The following DNAAF9 variants were observed in gnomAD, a reference collection of about 807,000 sequenced individuals.
The protein encoded by DNAAF9 is shulin.
DNAAF9 carries 90 observed loss-of-function variants against 167.0 expected under a neutral mutation model. That is an observed-to-expected ratio of 0.54 (90% CI 0.45 to 0.64). The LOEUF (loss-of-function observed/expected upper bound fraction) is 0.64. Ranked by LOEUF, DNAAF9 falls within the 30% of genes least tolerant of loss-of-function variation. DNAAF9 has a pLI of 0.00. For missense variants in DNAAF9, 1,315 were observed against 1,442.2 expected, an observed-to-expected ratio of 0.91 and a Z score of 1.43; for synonymous variants, 491 against 508.8, an observed-to-expected ratio of 0.96 and a Z score of 0.47.
chr20:3,294,500 A>C (rs376551463), intron 24 of DNAAF9, 28 bp downstream of exon 24: 3 of 1,449,350 alleles, frequency 2.1e-6, no homozygotes, highest in Non-Finnish European at 2.9e-6. Context: ...CAGAATATTA[A>C]ACATCTATAA....
intron 21 of DNAAF9, among the ~76,000 whole-genome samples, chr20:3,302,404 A>G (rs563630522): frequency 6.6e-6 from 1 of 152,320 alleles, no homozygotes; most frequent in South Asian, 2.1e-4. Context: ...TCTTCTAGCT[A>G]TTGTGAGATC....
intron 8 of DNAAF9, among the ~76,000 whole-genome samples, chr20:3,346,313 G>A (rs1466613942): frequency 6.6e-6 from 1 of 152,090 alleles, no homozygotes; most frequent in Non-Finnish European, 1.5e-5. Flanking sequence ...CACTAGGTAC[G>A]TATATATACC....
chr20:3,317,280 G>C (rs1325637501), intron 17 of DNAAF9, among the ~76,000 whole-genome samples: 1 of 148,798 alleles, frequency 6.7e-6, no homozygotes, highest in Non-Finnish European at 1.5e-5. Context: ...AAAATCGCTT[G>C]AGCCCAGGAG....
intron 1 of DNAAF9, among the ~76,000 whole-genome samples, chr20:3,393,368 G>A (rs1318907664): frequency 6.6e-6 from 1 of 151,680 alleles, no homozygotes; most frequent in African/African-American, 2.4e-5. Flanking sequence ...AGTTAGGCGT[G>A]GTGGTTACAG....
intron 1 of DNAAF9, among the ~76,000 whole-genome samples, chr20:3,382,831 G>A (rs1340419193): frequency 2.0e-5 from 3 of 152,156 alleles, no homozygotes; most frequent in Admixed American, 6.5e-5. Flanking sequence ...CTGACTCCAA[G>A]AACTTCCAAT....
Position 3,374,144 on chromosome 20 carries a change from C to T in DNAAF9, c.516G>A (p.Gln172=). 6.2e-7 allele frequency: 1 copy of T among 1,607,610 alleles called. No homozygotes were observed. Among genetic ancestry groups the T allele is most frequent in the South Asian group, 1.1e-5 (1 of 90,946 alleles). The change falls in exon 6 of 37, where the codon CAG becomes CAA. Residue 172 remains glutamine (Q), a synonymous_variant. Coordinates refer to ENST00000252032, the MANE Select transcript of DNAAF9 (RefSeq NM_001009984.3). The stretch of plus-strand genomic sequence containing the variant: ...TCTCCACCACAAACATATCAAATAT[C>T]TGCAAGTGACCTAGAAGAATCAAAT... The part of the protein sequence containing the change: ...GIPYSSQGHL[Q]IFDMFVVEKW...
At chr20:3,354,174 G>A (rs1017651790) in intron 7 of DNAAF9, among the ~76,000 whole-genome samples, 1 of 152,212 alleles carries the variant, frequency 6.6e-6, no homozygotes, top group African/African-American at 2.4e-5. Flanking sequence ...AGCAAAAGCA[G>A]AAAAATATCT....
chr20:3,365,452 C>T (rs751082756), intron 6 of DNAAF9, among the ~76,000 whole-genome samples: 2 of 152,016 alleles, frequency 1.3e-5, no homozygotes, highest in East Asian at 1.9e-4. Flanking sequence ...GGAGCAGTGG[C>T]GTGATCTCAG....
At position 3,255,225 on chromosome 20, in the gene DNAAF9, G is replaced by A; in HGVS notation, c.3321C>T (p.Ser1107=). The A allele has an allele frequency of 6.5e-7, 1 of 1,548,300 alleles. No individual in the cohort carries two copies. Among genetic ancestry groups the A allele is most frequent in the African/African-American group, 1.4e-5 (1 of 73,058 alleles). ...GCCAGGGCAAGGCACTCACGTGGAT[G>A]CTCCTGATCTCCTGTTGCGTCAGCA... The part of the protein sequence containing the change: ...RGMLTQQEIR[S]IHVKRHLEPL... The change falls in exon 35 of 37, where the codon AGC becomes AGT. Residue 1107 remains serine (S), a synonymous_variant. Coordinates refer to ENST00000252032, the MANE Select transcript of DNAAF9 (RefSeq NM_001009984.3).
At chr20:3,292,792 T>C (rs2236101) in intron 25 of DNAAF9, among the ~76,000 whole-genome samples, 92,387 of 148,318 alleles carry the variant, frequency 0.62, 28,929 homozygotes, top group East Asian at 0.73. Context: ...AAAAGCCAGG[T>C]ATGGTGGCTC....
intron 21 of DNAAF9, among the ~76,000 whole-genome samples, 162 bp downstream of exon 21, chr20:3,304,278 A>C (rs2069247916): frequency 6.6e-6 from 1 of 152,188 alleles, no homozygotes; most frequent in Admixed American, 6.5e-5. Flanking sequence ...GAGAATGCCC[A>C]GGCCTCTCCA....
intron 12 of DNAAF9, 67 bp downstream of exon 12, chr20:3,330,579 G>C (rs1257424718): frequency 2.2e-6 from 2 of 925,554 alleles, no homozygotes; most frequent in African/African-American, 3.3e-5. Flanking sequence ...TCAAAAGGAA[G>C]TACACAGGAC....
At chr20:3,375,394 A>G (rs2083562579) in intron 4 of DNAAF9, among the ~76,000 whole-genome samples, 1 of 152,210 alleles carries the variant, frequency 6.6e-6, no homozygotes, top group Admixed American at 6.5e-5. Context: ...AAATTCCGCC[A>G]AATACTCATA....
chr20:3,274,728 A>T (rs558302052), intron 29 of DNAAF9, among the ~76,000 whole-genome samples: 1 of 152,046 alleles, frequency 6.6e-6, no homozygotes. Context: ...CACCACTACC[A>T]CCATCAGCAC....
intron 16 of DNAAF9, 138 bp from the exon 17 acceptor site, chr20:3,318,538 A>T (rs1413518429): frequency 3.5e-6 from 2 of 569,334 alleles, no homozygotes; most frequent in African/African-American, 3.8e-5. Flanking sequence ...AACTGGAGTT[A>T]TCCTAAATAC....
In DNAAF9 at chr20:3,348,516, CT is replaced by C; in HGVS notation, c.789+8del. ...TTTATTCTTCCTCTTTGACCCTTCCCTTACATACCTCACCCGCCTGAGATTC... is the reference window on the plus strand; with the variant it reads ...TTTATTCTTCCTCTTTGACCCTTCCCTACATACCTCACCCGCCTGAGATTC... On this transcript the variant is annotated splice_region_variant and intron_variant, in intron 8 of 36. Coordinates refer to ENST00000252032, the MANE Select transcript of DNAAF9 (RefSeq NM_001009984.3). 6.6e-7 allele frequency: 1 copy of C among 1,505,942 alleles called. No individual in the cohort carries two copies. The highest frequency in any genetic ancestry group is 9.1e-7 in the Non-Finnish European group (1 of 1,097,764). 93.3% of individuals were successfully genotyped at this position (1,505,942 alleles called of 1,614,324 possible).
chr20:3,282,175 T>C (rs2068774606), intron 27 of DNAAF9, among the ~76,000 whole-genome samples: 1 of 151,984 alleles, frequency 6.6e-6, no homozygotes, highest in Non-Finnish European at 1.5e-5. Context: ...GGCAAGAGAG[T>C]GCGTCCGGAC....
chr20:3,317,608 T>C (rs992355088), intron 17 of DNAAF9, among the ~76,000 whole-genome samples: 2 of 151,930 alleles, frequency 1.3e-5, no homozygotes, highest in Non-Finnish European at 2.9e-5. Context: ...TCAAATTGCT[T>C]TTTTTTGAGA....
intron 25 of DNAAF9, among the ~76,000 whole-genome samples, chr20:3,291,897 C>T (rs747941512): frequency 1.3e-5 from 2 of 152,120 alleles, no homozygotes; most frequent in African/African-American, 4.8e-5. Context: ...CCAGCCTTCC[C>T]TGTCTTCGTT....
Sources: gnomAD v4.1 joint callset for allele counts (sites outside exome capture counted in the v4.1 genomes callset) on GRCh38, gnomAD v4.1.1 for gene constraint, MANE v1.5 for transcripts, NCBI Gene and HGNC (gene_info 2026-07-23, HGNC 2026-07-21) for gene names.